NXN: variants seen among roughly 807,000 people sequenced by gnomAD.
NXN encodes nucleoredoxin 1.
Under a neutral mutation model 48.6 loss-of-function variants are expected in NXN, and 16 were observed. The ratio of observed to expected loss-of-function variants is 0.33; its 90% confidence interval spans 0.22 to 0.50. The LOEUF is 0.50. Ranked by LOEUF, NXN falls within the 20% of genes least tolerant of loss-of-function variation. NXN has a pLI of 0.98. For synonymous variants in NXN, 281 were observed against 269.6 expected, an observed-to-expected ratio of 1.04 and a Z score of -0.41; for missense variants, 492 against 605.5, an observed-to-expected ratio of 0.81 and a Z score of 1.97.
chr17:817,560 T>G (rs1200343306), intron 5 of NXN, among the ~76,000 whole-genome samples: 1 of 150,528 alleles, frequency 6.6e-6, no homozygotes, highest in Non-Finnish European at 1.5e-5. Flanking sequence ...TCCCAGCTAC[T>G]GGGGAGGCTG....
intron 1 of NXN, among the ~76,000 whole-genome samples, chr17:924,425 T>C (rs1174998456): frequency 1.3e-5 from 2 of 152,156 alleles, no homozygotes; most frequent in Admixed American, 1.3e-4. Context: ...TTAGTAGAGA[T>C]GGGGTTTCAC....
chr17:808,372 G>A (rs543062371), intron 5 of NXN, among the ~76,000 whole-genome samples: 26 of 149,406 alleles, frequency 1.7e-4, no homozygotes, highest in South Asian at 4.3e-4. Context: ...GCGCGATCTC[G>A]GCTCACTGCA....
intron 1 of NXN, among the ~76,000 whole-genome samples, chr17:879,176 A>G (rs12601692): frequency 0.73 from 110,167 of 151,870 alleles, 42,688 homozygotes; most frequent in Middle Eastern, 0.88. Context: ...AAAAAAAACA[A>G]CAAGTAGACA....
intron 1 of NXN, among the ~76,000 whole-genome samples, chr17:906,204 G>A (rs943600189): frequency 3.3e-5 from 5 of 152,020 alleles, no homozygotes; most frequent in South Asian, 2.1e-4. Flanking sequence ...TACCTGCTTC[G>A]CAGCCATGAG....
chr17:883,513 G>A (rs954713901), intron 1 of NXN, among the ~76,000 whole-genome samples: 3 of 152,196 alleles, frequency 2.0e-5, no homozygotes, highest in African/African-American at 7.2e-5. Context: ...GAAAGAAGCT[G>A]GCCAAAAACA....
In NXN at chr17:979,713, C is replaced by A; in HGVS notation, c.-35G>T. The A allele has an allele frequency of 1.5e-6, 2 of 1,327,322 alleles. No individual in the cohort carries two copies. Among genetic ancestry groups the A allele is most frequent in the African/African-American group, 1.5e-5 (1 of 64,844 alleles). 82.2% of individuals were successfully genotyped at this position (1,327,322 alleles called of 1,614,324 possible). ...CCGCAGGGCGGGCAGGCGGCTGCGA[C>A]CCCGCTCCACGGTCCGCGCGGCGGG... On this transcript the variant is annotated 5_prime_UTR_variant, in exon 1 of 8. Coordinates refer to ENST00000336868, the MANE Select transcript of NXN (RefSeq NM_022463.5).
At chr17:828,504 C>A (rs1018919280) in intron 1 of NXN, among the ~76,000 whole-genome samples, 1 of 150,204 alleles carries the variant, frequency 6.7e-6, no homozygotes, top group East Asian at 2.0e-4. Context: ...AGGGTTCAAG[C>A]GATTCTCTTG....
intron 1 of NXN, among the ~76,000 whole-genome samples, chr17:835,298 A>G (rs1301160012): frequency 1.4e-5 from 2 of 144,976 alleles, no homozygotes; most frequent in East Asian, 2.1e-4. Flanking sequence ...ACAGACCGAG[A>G]CTCTGTTTCA....
chr17:865,124 A>G (rs535129812), intron 1 of NXN, among the ~76,000 whole-genome samples: 27 of 152,132 alleles, frequency 1.8e-4, no homozygotes, highest in African/African-American at 6.5e-4. Context: ...GATATTGTCC[A>G]TCTCCCCTCC....
At chr17:826,761 A>T (rs1913124029) in intron 1 of NXN, among the ~76,000 whole-genome samples, 1 of 151,916 alleles carries the variant, frequency 6.6e-6, no homozygotes, top group Non-Finnish European at 1.5e-5. Context: ...AGCACCAGGG[A>T]AGCAATGCCC....
chr17:945,405 C>T (rs1173137922), intron 1 of NXN, among the ~76,000 whole-genome samples: 1 of 151,720 alleles, frequency 6.6e-6, no homozygotes, highest in African/African-American at 2.4e-5. Context: ...TAAAAACAAC[C>T]CTGGGGAATA....
intron 1 of NXN, among the ~76,000 whole-genome samples, chr17:836,317 G>A (rs1450542768): frequency 6.6e-6 from 1 of 152,184 alleles, no homozygotes. Flanking sequence ...TGGGATCAAG[G>A]CAAAGCCAAC....
At chr17:839,423 GA>G (rs1168411580) in intron 1 of NXN, among the ~76,000 whole-genome samples, 1 of 151,752 alleles carries the variant, frequency 6.6e-6, no homozygotes, top group African/African-American at 2.4e-5. Flanking sequence ...CAACCAGAGT[GA>G]AACTCTGTCT....
chr17:928,615 C>T (rs2068824215), intron 1 of NXN, among the ~76,000 whole-genome samples: 1 of 152,210 alleles, frequency 6.6e-6, no homozygotes, highest in South Asian at 2.1e-4. Context: ...ACAAGCTGAT[C>T]ACCTGAGGTC....
chr17:865,981 T>C (rs980248037), intron 1 of NXN, among the ~76,000 whole-genome samples: 2 of 150,952 alleles, frequency 1.3e-5, no homozygotes, highest in Non-Finnish European at 2.9e-5. Flanking sequence ...AGACTCTATC[T>C]CAAAAAAAAA....
intron 5 of NXN, among the ~76,000 whole-genome samples, chr17:818,269 A>G (rs1193008996): frequency 1.3e-5 from 2 of 152,088 alleles, no homozygotes; most frequent in Non-Finnish European, 2.9e-5. Flanking sequence ...TTAAAAATAT[A>G]TATATAATTT....
chr17:872,102 G>A (rs920131620), intron 1 of NXN, among the ~76,000 whole-genome samples: 3 of 152,100 alleles, frequency 2.0e-5, no homozygotes, highest in African/African-American at 7.2e-5. Context: ...CAGGGATGAT[G>A]GAGAGTTCCT....
At chr17:974,504 A>T (rs1451100375) in intron 1 of NXN, among the ~76,000 whole-genome samples, 1 of 152,084 alleles carries the variant, frequency 6.6e-6, no homozygotes, top group African/African-American at 2.4e-5. Context: ...GCATTTATTG[A>T]GCACTCACCA....
intron 1 of NXN, among the ~76,000 whole-genome samples, chr17:934,670 T>G (rs929116215): frequency 1.3e-5 from 2 of 151,766 alleles, no homozygotes; most frequent in Non-Finnish European, 2.9e-5. Context: ...GGTCAGGAGT[T>G]CGGGACCAGC....
Sources: allele counts gnomAD v4.1 joint callset (sites outside exome capture counted in the v4.1 genomes callset), GRCh38; gene constraint gnomAD v4.1.1; transcripts MANE v1.5; gene names NCBI Gene and HGNC (gene_info 2026-07-23, HGNC 2026-07-21).